Variants in ADAMTS18 observed in about 807,000 individuals in gnomAD.
ADAMTS18 encodes the protein ADAM metallopeptidase with thrombospondin type 1 motif 18, also known as A disintegrin and metalloproteinase with thrombospondin motifs 18.
Under a neutral mutation model 165.9 loss-of-function variants are expected in ADAMTS18, and 157 were observed. The observed-to-expected ratio is 0.95, with a 90% CI of 0.83 to 1.08. The LOEUF (loss-of-function observed/expected upper bound fraction) is 1.08. Among genes scored for constraint, ADAMTS18 ranks in the 50% least tolerant of loss-of-function variants. ADAMTS18 has a pLI of 0.00. For synonymous variants in ADAMTS18, 782 were observed against 578.2 expected (o/e 1.35, Z -5.06); for missense variants, 2,040 against 1,534.0 (o/e 1.33, Z -5.51).
intron 10 of ADAMTS18, among the ~76,000 whole-genome samples, chr16:77,352,825 T>C (rs1048567871): frequency 6.6e-6 from 1 of 152,080 alleles, no homozygotes; most frequent in African/African-American, 2.4e-5. Flanking sequence ...TACTTTTTAG[T>C]ATGGGCCGGG....
intron 7 of ADAMTS18, among the ~76,000 whole-genome samples, chr16:77,361,605 C>A (rs1000923639): frequency 2.0e-5 from 3 of 152,116 alleles, no homozygotes; most frequent in African/African-American, 7.2e-5. Context: ...AAATACAAGC[C>A]AGGTGAGGTG....
At position 77,326,751 on chromosome 16, in the gene ADAMTS18, C is replaced by T. The variant is rs200852459; in HGVS notation, c.1860-713G>A. Reference sequence around the variant, plus strand: ...AACTTTTATTTTAGGTTCAGGGGTACATGTAAAGTTTTGTTATACAGTTAA... The same window carrying T: ...AACTTTTATTTTAGGTTCAGGGGTATATGTAAAGTTTTGTTATACAGTTAA... On this transcript the variant is annotated intron_variant, in intron 12 of 22. Coordinates refer to ENST00000282849, the MANE Select transcript of ADAMTS18 (RefSeq NM_199355.4). Among the ~76,000 whole-genome samples, 4 of 152,256 alleles carry T rather than the reference C, an allele frequency of 2.6e-5. No individual in the cohort carries two copies. The East Asian group carries it at 5.8e-4, about 22-fold the overall frequency.
At chr16:77,376,809 C>CTTTTTTTT (rs549942617) in intron 3 of ADAMTS18, among the ~76,000 whole-genome samples, 5 of 103,484 alleles carry the variant, frequency 4.8e-5, no homozygotes, top group Non-Finnish European at 5.6e-5. Flanking sequence ...CTAAATCATT[C>CTTTTTTTT]TTTTTTTTTT....
At chr16:77,343,687 G>T (rs748994121) in intron 10 of ADAMTS18, among the ~76,000 whole-genome samples, 2 of 152,120 alleles carry the variant, frequency 1.3e-5, no homozygotes, top group African/African-American at 4.8e-5. Flanking sequence ...ATGGATATTG[G>T]AAGGCTCTCA....
At chr16:77,421,036 A>C (rs1265479737) in intron 3 of ADAMTS18, among the ~76,000 whole-genome samples, 1 of 152,236 alleles carries the variant, frequency 6.6e-6, no homozygotes, top group Non-Finnish European at 1.5e-5. Context: ...CTCTCAAATA[A>C]GGGTGTGCAC....
At chr16:77,295,785 GT>G (rs201420946) in intron 18 of ADAMTS18, among the ~76,000 whole-genome samples, 6 of 151,438 alleles carry the variant, frequency 4.0e-5, no homozygotes, top group Admixed American at 1.3e-4. Context: ...TGCCAGACCA[GT>G]TTTTTTTTAA....
chr16:77,415,022 G>C (rs956931564), intron 3 of ADAMTS18, among the ~76,000 whole-genome samples: 1 of 152,166 alleles, frequency 6.6e-6, no homozygotes, highest in African/African-American at 2.4e-5. Context: ...GTAATAACAA[G>C]ACAACTGACA....
intron 16 of ADAMTS18, among the ~76,000 whole-genome samples, chr16:77,319,072 CT>C (rs1311398981): frequency 1.3e-5 from 2 of 151,786 alleles, no homozygotes; most frequent in African/African-American, 4.8e-5. Context: ...CCTTTTTTCC[CT>C]TTTCTTACCT....
chr16:77,346,147 G>C lies in ADAMTS18; in HGVS notation c.1615-4348C>G, dbSNP rs181110898. 1.7e-4 allele frequency among the ~76,000 whole-genome samples: 26 copies of C among 152,164 alleles called. No homozygotes were observed. The East Asian group carries it at 5.0e-3, about 29-fold the overall frequency. On this transcript the variant is annotated intron_variant, in intron 10 of 22. Transcript: ENST00000282849. Reference sequence around the variant, plus strand: ...CCTAAATTTCACCTCCTGTGACCTCGATATTAAAAAATTTAATCAGCCACC... The same window carrying C: ...CCTAAATTTCACCTCCTGTGACCTCCATATTAAAAAATTTAATCAGCCACC...
At chr16:77,349,836 C>T (rs968700159) in intron 10 of ADAMTS18, among the ~76,000 whole-genome samples, 1 of 152,172 alleles carries the variant, frequency 6.6e-6, no homozygotes. Context: ...AATGATAGGC[C>T]TGAGAACATT....
At chr16:77,429,136 G>A (rs1265777259) in intron 3 of ADAMTS18, among the ~76,000 whole-genome samples, 1 of 152,174 alleles carries the variant, frequency 6.6e-6, no homozygotes, top group Non-Finnish European at 1.5e-5. Flanking sequence ...ACATGCATGT[G>A]AATGTTTATT....
At chr16:77,299,173 G>T (rs796334766) in intron 17 of ADAMTS18, among the ~76,000 whole-genome samples, 2 of 152,326 alleles carry the variant, frequency 1.3e-5, no homozygotes, top group African/African-American at 4.8e-5. Context: ...AGTACAGAGG[G>T]ATACAAAATG....
At chr16:77,353,696 A>G in intron 10 of ADAMTS18, 37 bp downstream of exon 10, 1 of 1,613,962 alleles carries the variant, frequency 6.2e-7, no homozygotes, top group Non-Finnish European at 8.5e-7. Context: ...CACATTGCAG[A>G]GTCTTAATGT....
At chr16:77,369,043 A>G (rs2056839448) in intron 3 of ADAMTS18, among the ~76,000 whole-genome samples, 1 of 152,170 alleles carries the variant, frequency 6.6e-6, no homozygotes, top group African/African-American at 2.4e-5. Context: ...CCTGCTGGGG[A>G]AAGTGTAATC....
chr16:77,403,493 T>C (rs187904382), intron 3 of ADAMTS18, among the ~76,000 whole-genome samples: 509 of 152,274 alleles, frequency 3.3e-3, no homozygotes, highest in African/African-American at 0.012. Flanking sequence ...CATGAAAAGA[T>C]AGAAAATCAG....
chr16:77,391,377 G>C (rs1046722369), intron 3 of ADAMTS18, among the ~76,000 whole-genome samples: 11 of 151,940 alleles, frequency 7.2e-5, no homozygotes, highest in African/African-American at 2.4e-4. Context: ...TGTAGTCCCA[G>C]CTACTCGGAA....
At chr16:77,321,047 C>A (rs2055987956) in intron 15 of ADAMTS18, 32 bp downstream of exon 15, 1 of 1,613,902 alleles carries the variant, frequency 6.2e-7, no homozygotes, top group Admixed American at 1.7e-5. Context: ...AGTTGTATCT[C>A]ATTAACAATA....
Position 77,343,579 on chromosome 16 carries a change from T to C in ADAMTS18, c.1615-1780A>G, listed in dbSNP as rs146570128. Among the ~76,000 whole-genome samples the C allele has an allele frequency of 1.9e-4, 29 of 152,326 alleles. No individual in the cohort carries two copies. In the East Asian group the frequency reaches 5.6e-3, roughly 29 times the overall value. ...CAAGCTTCTGATGCTGTTGAACTTT[T>C]AAAATCACACAGCTGGCCAGGAACA... On this transcript the variant is annotated intron_variant, in intron 10 of 22. Coordinates refer to ENST00000282849, the MANE Select transcript of ADAMTS18 (RefSeq NM_199355.4).
rs1448343383 is a variant in ADAMTS18, at chr16:77,286,317, C to G, written c.3551-2246G>C. ...CTATTTCCTCACCCCTTCACCCCTG[C>G]TACTTTACTTTCTGACACTGTGTGC... On this transcript the variant is annotated intron_variant, in intron 22 of 22. Coordinates refer to ENST00000282849, the MANE Select transcript of ADAMTS18 (RefSeq NM_199355.4). 5.3e-5 allele frequency among the ~76,000 whole-genome samples: 8 copies of G among 152,238 alleles called. No individual in the cohort carries two copies. The East Asian group carries it at 1.5e-3, about 29-fold the overall frequency.
Sources: gnomAD v4.1 joint callset for allele counts (sites outside exome capture counted in the v4.1 genomes callset) on GRCh38, gnomAD v4.1.1 for gene constraint, MANE v1.5 for transcripts, NCBI Gene and HGNC (gene_info 2026-07-23, HGNC 2026-07-21) for gene names.